Variants in ALPK2 observed in about 807,000 individuals in gnomAD.
The protein encoded by ALPK2 is alpha-protein kinase 2.
In ALPK2, 127 loss-of-function variants were observed where a neutral mutation model predicts 163.1. The observed-to-expected ratio is 0.78, with a 90% confidence interval of 0.67 to 0.90. The LOEUF (loss-of-function observed/expected upper bound fraction) is 0.90. Among genes scored for constraint, ALPK2 ranks in the 40% least tolerant of loss-of-function variants. ALPK2 has a pLI of 0.00. For synonymous variants in ALPK2, 953 were observed against 959.1 expected (o/e 0.99, Z 0.12); for missense variants, 2,360 against 2,589.6 (o/e 0.91, Z 1.92).
chr18:58,553,845 T>G (rs1306339306), intron 4 of ALPK2, among the ~76,000 whole-genome samples: 1 of 137,802 alleles, frequency 7.3e-6, no homozygotes, highest in African/African-American at 2.7e-5. Context: ...GGGGTTTTTT[T>G]TTTGGTTTTT....
At chr18:58,506,202 C>A (rs1254023221) in intron 10 of ALPK2, among the ~76,000 whole-genome samples, 1 of 151,882 alleles carries the variant, frequency 6.6e-6, no homozygotes. Flanking sequence ...ACAGTAGACA[C>A]CGGGGATTCC....
In ALPK2 at chr18:58,517,085, C is replaced by T; in HGVS notation, c.5763G>A (p.Glu1921=). 1 of 1,614,248 alleles carries T rather than the reference C, an allele frequency of 6.2e-7. No homozygotes were observed. ...GAACCCCTTCTCCAAAGTGCAGCTC[C>T]TCCGTGGCGATCTGACCACGCAGGC... The part of the protein sequence containing the change: ...GGRLRGQIAT[E]ELHFGEGVHR... The change falls in exon 9 of 13, where the codon GAG becomes GAA. Residue 1921 remains glutamate, a synonymous_variant. Coordinates refer to ENST00000361673, the MANE Select transcript of ALPK2 (RefSeq NM_052947.4).
At chr18:58,551,110 G>GAA (rs34939805) in intron 4 of ALPK2, among the ~76,000 whole-genome samples, 32,534 of 146,502 alleles carry the variant, frequency 0.22, 3,972 homozygotes, top group East Asian at 0.34. Flanking sequence ...AACAAAAATG[G>GAA]AAAAAAAAAA....
rs1040926855 is a variant in ALPK2 at position 58,580,290 on chromosome 18, G to C, written c.486C>G (p.Asp162Glu). 6.2e-7 allele frequency: 1 copy of C among 1,614,220 alleles called. No homozygotes were observed. Among genetic ancestry groups the C allele is most frequent in the African/African-American group, 1.3e-5 (1 of 75,058 alleles). The change falls in exon 4 of 13, where the codon GAC becomes GAG. Residue 162 changes from aspartate to glutamate, a missense_variant. Physicochemically the swap from Asp to Glu is conservative, Grantham distance 45. Transcript: ENST00000361673. ...SISPGTPRSA[D>E]SSPSKSNHSL... The stretch of plus-strand genomic sequence containing the variant: ...AATGGTTGGATTTGGAGGGGGAGGA[G>C]TCAGCTGACCTGGGAGTGCCCGGGG...
chr18:58,511,803 G>T lies in ALPK2; in HGVS notation c.6029+3190C>A, dbSNP rs150865200. On this transcript the variant is annotated intron_variant, in intron 10 of 12. Coordinates refer to ENST00000361673, the MANE Select transcript of ALPK2 (RefSeq NM_052947.4). Reference sequence around the variant, plus strand: ...CATTTAGGAGCATTTCCTGGAAACTGTGAGAATCCCCTTCACTTCATGAAG... The same window carrying T: ...CATTTAGGAGCATTTCCTGGAAACTTTGAGAATCCCCTTCACTTCATGAAG... 11 of 152,212 alleles carry T rather than the reference G, an allele frequency of 7.2e-5. No homozygotes were observed. The East Asian group carries it at 2.1e-3, about 29-fold the overall frequency. 9.4% of individuals were successfully genotyped at this position (152,212 alleles called of 1,614,324 possible). A position where few individuals can be genotyped will look rare whatever the true frequency, so the allele number is the denominator to read the frequency against.
chr18:58,512,833 GTGTGTGTGTA>G (rs2051498764), intron 10 of ALPK2, among the ~76,000 whole-genome samples: 1 of 144,726 alleles, frequency 6.9e-6, no homozygotes, highest in African/African-American at 2.6e-5. Context: ...TGAGGTGTGT[GTGTGTGTGTA>G]TGTGGTGTGT....
At chr18:58,492,305 C>T (rs1213771113) in intron 12 of ALPK2, among the ~76,000 whole-genome samples, 2 of 152,158 alleles carry the variant, frequency 1.3e-5, no homozygotes, top group African/African-American at 4.8e-5. Context: ...CACACGCACA[C>T]ATTCCCCACA....
At chr18:58,519,920 TC>T (rs1475761723) in intron 8 of ALPK2, among the ~76,000 whole-genome samples, 15 of 152,228 alleles carry the variant, frequency 9.9e-5, no homozygotes, top group African/African-American at 3.4e-4. Context: ...CAAGACTTCA[TC>T]CTTTAGACCA....
chr18:58,504,253 C>T (rs1373971859), intron 10 of ALPK2, 105 bp from the exon 11 acceptor site: 1 of 923,228 alleles, frequency 1.1e-6, no homozygotes, highest in Non-Finnish European at 1.7e-6. Context: ...TAGAATTTGT[C>T]CCCAATTCTG....
intron 1 of ALPK2, among the ~76,000 whole-genome samples, chr18:58,613,509 A>G (rs1008147407): frequency 1.3e-5 from 2 of 151,968 alleles, no homozygotes; most frequent in African/African-American, 4.8e-5. Flanking sequence ...CCTGGCCAAC[A>G]TGGTGAAACC....
chr18:58,571,427 G>GAA (rs77059313), intron 4 of ALPK2, among the ~76,000 whole-genome samples: 24,721 of 108,280 alleles, frequency 0.23, 2,630 homozygotes, highest in East Asian at 0.44. Flanking sequence ...ACATCCACAG[G>GAA]AAAAAAAAAA....
At chr18:58,583,462 A>C (rs941827331) in intron 3 of ALPK2, among the ~76,000 whole-genome samples, 1 of 152,126 alleles carries the variant, frequency 6.6e-6, no homozygotes, top group Non-Finnish European at 1.5e-5. Context: ...TGTCTTCTTC[A>C]TGAACCTTTT....
intron 3 of ALPK2, among the ~76,000 whole-genome samples, chr18:58,599,890 G>A (rs1331279370): frequency 1.3e-5 from 2 of 152,098 alleles, no homozygotes; most frequent in Non-Finnish European, 2.9e-5. Flanking sequence ...TTATAGATCT[G>A]GGATTTAAAC....
chr18:58,613,098 A>C (rs2052142333), intron 1 of ALPK2, among the ~76,000 whole-genome samples: 1 of 152,118 alleles, frequency 6.6e-6, no homozygotes, highest in African/African-American at 2.4e-5. Context: ...GCAGCTTCTT[A>C]CCCATTTAGA....
rs768078111 is a variant in ALPK2 at position 58,481,488 on chromosome 18, A to G, written c.*335T>C. 3.5e-6 allele frequency: 1 copy of G among 283,212 alleles called. No individual in the cohort carries two copies. Among genetic ancestry groups the G allele is most frequent in the Non-Finnish European group, 6.7e-6 (1 of 148,190 alleles). The allele number at this position is 283,212 out of a possible 1,614,324, so 17.5% of individuals were successfully genotyped here. On this transcript the variant is annotated 3_prime_UTR_variant, in exon 13 of 13. Coordinates refer to ENST00000361673, the MANE Select transcript of ALPK2 (RefSeq NM_052947.4). ...TGGCTGTGAACAGACTCTTCTCAGC[A>G]CCAGGTCCTCGACAGCACAACCATG...
At chr18:58,504,798 C>CAG (rs2051453230) in intron 10 of ALPK2, among the ~76,000 whole-genome samples, 1 of 152,110 alleles carries the variant, frequency 6.6e-6, no homozygotes, top group Admixed American at 6.6e-5. Context: ...GTAGGGAGGT[C>CAG]AGAGCAGCCC....
intron 7 of ALPK2, 40 bp from the exon 8 acceptor site, chr18:58,523,881 G>A: frequency 3.1e-6 from 5 of 1,614,202 alleles, no homozygotes; most frequent in Non-Finnish European, 4.2e-6. Context: ...CAGTACAGAT[G>A]TCCATTGTGA....
intron 4 of ALPK2, among the ~76,000 whole-genome samples, chr18:58,548,877 T>A (rs759663879): frequency 9.9e-5 from 15 of 152,158 alleles, no homozygotes; most frequent in Non-Finnish European, 2.1e-4. Flanking sequence ...TTGTCCAACA[T>A]CCCTTTGCCA....
chr18:58,602,482 G>A (rs2052076134), intron 3 of ALPK2, among the ~76,000 whole-genome samples: 1 of 152,110 alleles, frequency 6.6e-6, no homozygotes, highest in African/African-American at 2.4e-5. Context: ...CCTAGCCTTT[G>A]GTGGCTGCTG....
Sources: gnomAD v4.1 joint callset for allele counts (sites outside exome capture counted in the v4.1 genomes callset) on GRCh38, gnomAD v4.1.1 for gene constraint, MANE v1.5 for transcripts, NCBI Gene and HGNC (gene_info 2026-07-23, HGNC 2026-07-21) for gene names.